The following ROBO2 variants were observed in gnomAD, a reference collection of about 807,000 sequenced individuals.
The protein encoded by ROBO2 is roundabout homolog 2.
ROBO2 carries 53 observed loss-of-function variants against 160.8 expected under a neutral mutation model. The ratio of observed to expected loss-of-function variants is 0.33; its 90% CI spans 0.26 to 0.41. ROBO2 has a LOEUF of 0.41. Ranked by LOEUF, ROBO2 falls within the 10% of genes least tolerant of loss-of-function variation. The probability of loss-of-function intolerance (pLI) is 1.00; values close to 1 mark genes in which losing one functional copy is unlikely to be tolerated. For synonymous variants in ROBO2, 664 were observed against 611.7 expected (o/e 1.09, Z -1.26); for missense variants, 1,577 against 1,722.4 (o/e 0.92, Z 1.49).
At chr3:76,327,130 C>T (rs995917248) in intron 2 of ROBO2, among the ~76,000 whole-genome samples, 6 of 151,876 alleles carry the variant, frequency 4.0e-5, no homozygotes, top group Non-Finnish European at 7.4e-5. Flanking sequence ...TCATAATGCC[C>T]AAGGAGCATT....
chr3:76,068,836 A>C (rs1379325789), intron 2 of ROBO2, among the ~76,000 whole-genome samples: 1 of 152,148 alleles, frequency 6.6e-6, no homozygotes, highest in Non-Finnish European at 1.5e-5. Flanking sequence ...TTCAACTTTT[A>C]GTCCTTTTCA....
intron 2 of ROBO2, among the ~76,000 whole-genome samples, chr3:76,118,904 A>G (rs575853502): frequency 1.3e-5 from 2 of 152,256 alleles, no homozygotes; most frequent in Non-Finnish European, 1.5e-5. Flanking sequence ...GTGCTGTTGA[A>G]GAATGTCAGG....
chr3:75,947,232 G>A (rs969788334), intron 2 of ROBO2, among the ~76,000 whole-genome samples: 15 of 151,722 alleles, frequency 9.9e-5, no homozygotes, highest in Non-Finnish European at 1.8e-4. Context: ...AAATTAAGAC[G>A]ATAGTTAGAA....
intron 2 of ROBO2, among the ~76,000 whole-genome samples, chr3:76,801,965 G>A (rs987460034): frequency 3.3e-5 from 5 of 152,080 alleles, no homozygotes; most frequent in Admixed American, 6.5e-5. Context: ...TGAGGGGATG[G>A]CTGGTCAGAG....
intron 2 of ROBO2, among the ~76,000 whole-genome samples, chr3:77,431,665 A>C (rs2153542245): frequency 6.6e-6 from 1 of 152,216 alleles, no homozygotes; most frequent in South Asian, 2.1e-4. Flanking sequence ...TATTCAATAA[A>C]TGTGGGTTGA....
At chr3:75,990,304 G>A (rs560123950) in intron 2 of ROBO2, among the ~76,000 whole-genome samples, 4 of 152,280 alleles carry the variant, frequency 2.6e-5, no homozygotes, top group African/African-American at 9.6e-5. Flanking sequence ...GAATCATAGA[G>A]GTTAGACTTC....
At chr3:76,324,653 A>C (rs1457630062) in intron 2 of ROBO2, among the ~76,000 whole-genome samples, 1 of 152,204 alleles carries the variant, frequency 6.6e-6, no homozygotes, top group Non-Finnish European at 1.5e-5. Context: ...ATGAAAACAG[A>C]AATCTTTGAA....
intron 2 of ROBO2, among the ~76,000 whole-genome samples, chr3:76,954,794 A>G (rs1387686562): frequency 6.6e-6 from 1 of 152,236 alleles, no homozygotes; most frequent in East Asian, 1.9e-4. Flanking sequence ...TGATGAACAA[A>G]ATCATTACAA....
chr3:76,467,301 G>C (rs915225897), intron 2 of ROBO2, among the ~76,000 whole-genome samples: 3 of 151,942 alleles, frequency 2.0e-5, no homozygotes, highest in African/African-American at 7.3e-5. Flanking sequence ...AAAAACTCAT[G>C]GTTACTGTAT....
intron 2 of ROBO2, among the ~76,000 whole-genome samples, chr3:76,260,378 G>GA (rs1302067913): frequency 6.6e-6 from 1 of 151,902 alleles, no homozygotes; most frequent in Admixed American, 6.6e-5. Context: ...AGTCAAAGGA[G>GA]AAAAAAAGTT....
At chr3:77,036,833 C>A (rs1206090697), upstream of ROBO2, among the ~76,000 whole-genome samples, 7 of 151,078 alleles carry the variant, frequency 4.6e-5, no homozygotes, top group African/African-American at 1.7e-4. Flanking sequence ...TAAGCCATTG[C>A]TGTTTCTTTT....
intron 2 of ROBO2, among the ~76,000 whole-genome samples, chr3:76,322,208 T>TATATATATATAC (rs1262581750): frequency 7.8e-6 from 1 of 128,248 alleles, no homozygotes; most frequent in African/African-American, 3.1e-5. Context: ...ATATATAATA[T>TATATATATATAC]ACACACACAT....
At chr3:76,710,503 G>T (rs373818327) in intron 2 of ROBO2, among the ~76,000 whole-genome samples, 20 of 152,124 alleles carry the variant, frequency 1.3e-4, no homozygotes, top group African/African-American at 4.3e-4. Flanking sequence ...TAATTTGTTT[G>T]GCCAATTTCC....
intron 3 of ROBO2, among the ~76,000 whole-genome samples, chr3:77,477,917 C>G (rs2084223869): frequency 6.8e-6 from 1 of 146,488 alleles, no homozygotes; most frequent in Non-Finnish European, 1.5e-5. Context: ...ACCTCTGCCT[C>G]CCGGTTTCAA....
intron 2 of ROBO2, among the ~76,000 whole-genome samples, chr3:76,801,189 G>A (rs2064171320): frequency 6.6e-6 from 1 of 152,130 alleles, no homozygotes; most frequent in South Asian, 2.1e-4. Context: ...TATAACTGTA[G>A]GAGCTAAAAA....
intron 2 of ROBO2, among the ~76,000 whole-genome samples, chr3:76,677,634 T>A (rs1186595714): frequency 2.0e-5 from 3 of 152,066 alleles, no homozygotes; most frequent in South Asian, 4.1e-4. Context: ...GAAAAATCCA[T>A]CTCTTCTTCA....
At chr3:76,650,220 C>T (rs980261871) in intron 2 of ROBO2, among the ~76,000 whole-genome samples, 2 of 152,044 alleles carry the variant, frequency 1.3e-5, no homozygotes, top group Non-Finnish European at 1.5e-5. Flanking sequence ...CCAAAGAAAA[C>T]TCACTAAAAA....
intron 2 of ROBO2, among the ~76,000 whole-genome samples, chr3:75,988,523 C>T (rs1256785587): frequency 6.6e-6 from 1 of 151,898 alleles, no homozygotes; most frequent in African/African-American, 2.4e-5. Context: ...ACATCTGCTG[C>T]CTTTGGGTTT....
intron 2 of ROBO2, among the ~76,000 whole-genome samples, chr3:76,538,151 TCACACACACACACACACACACACA>T (rs3223397): frequency 2.1e-5 from 3 of 146,258 alleles, no homozygotes; most frequent in African/African-American, 7.6e-5. Flanking sequence ...CTGACAGAAC[TCACACACACACACACACACACACA>T]CACACACACC....
Sources: allele counts gnomAD v4.1 joint callset (sites outside exome capture counted in the v4.1 genomes callset), GRCh38; gene constraint gnomAD v4.1.1; transcripts MANE v1.5; gene names NCBI Gene and HGNC (gene_info 2026-07-23, HGNC 2026-07-21).